Variants in DNAH10 observed in about 807,000 individuals in gnomAD.
DNAH10 encodes the protein dynein axonemal heavy chain 10, also known as axonemal beta dynein heavy chain 10.
In DNAH10, 348 loss-of-function variants were observed where a neutral mutation model predicts 506.6. The observed-to-expected ratio is 0.69, with a 90% CI of 0.63 to 0.75. DNAH10 has a LOEUF of 0.75. Among genes scored for constraint, DNAH10 ranks in the 30% least tolerant of loss-of-function variants. The probability of loss-of-function intolerance (pLI) is 0.00; values close to 1 mark genes in which losing one functional copy is unlikely to be tolerated. For synonymous variants in DNAH10, 2,059 were observed against 2,198.6 expected (o/e 0.94, Z 1.78); for missense variants, 5,179 against 5,787.1 (o/e 0.89, Z 3.41).
chr12:123,839,215 T>TAAAAAAAAA (rs575224560), intron 29 of DNAH10, among the ~76,000 whole-genome samples: 3 of 126,878 alleles, frequency 2.4e-5, no homozygotes, highest in Non-Finnish European at 3.4e-5. Context: ...TTTTATAAAC[T>TAAAAAAAAA]AAAAAAAAAA....
rs377295798 is a variant in DNAH10, at chr12:123,916,753, C to A, written c.11002+17C>A. The stretch of plus-strand genomic sequence containing the variant: ...ATTACACTGGTAAGAATGTGTAGAA[C>A]CTCCACTGCTAATTCAGATGGTTAT... On this transcript the variant is annotated intron_variant, in intron 63 of 78. Transcript: ENST00000673944. This position sits in a 1 kb window ranked among gnomAD's most constrained non-coding sequence, Gnocchi z 4.6. The A allele has an allele frequency of 5.3e-5, 85 of 1,590,732 alleles. No homozygotes were observed. The highest frequency in any genetic ancestry group is 7.2e-5 in the Non-Finnish European group (84 of 1,167,704).
At chr12:123,931,047 AAAAC>A in intron 73 of DNAH10, among the ~76,000 whole-genome samples, 1 of 152,210 alleles carries the variant, frequency 6.6e-6, no homozygotes, top group Admixed American at 6.5e-5. Flanking sequence ...TCAAAACAAA[AAAAC>A]AAAAAACAAA....
chr12:123,925,370 T>A lies in DNAH10; in HGVS notation c.11921+166T>A. The A allele has an allele frequency of 1.1e-6, 1 of 944,020 alleles. No homozygotes were observed. The highest frequency in any genetic ancestry group is 1.5e-6 in the Non-Finnish European group (1 of 650,514). 58.5% of individuals were successfully genotyped at this position (944,020 alleles called of 1,614,324 possible). A position where few individuals can be genotyped will look rare whatever the true frequency, so the allele number is the denominator to read the frequency against. Reference sequence around the variant, plus strand: ...GATATTCTAGAATTCTTCAATATTCTAGAACAGTGCTAGTCATAAGAAATT... The same window carrying A: ...GATATTCTAGAATTCTTCAATATTCAAGAACAGTGCTAGTCATAAGAAATT... On this transcript the variant is annotated intron_variant, in intron 68 of 78. Transcript: ENST00000673944. This position sits in a 1 kb window ranked among gnomAD's most constrained non-coding sequence, Gnocchi z 4.0.
intron 21 of DNAH10, among the ~76,000 whole-genome samples, chr12:123,815,535 C>T (rs966983448): frequency 2.6e-5 from 4 of 152,014 alleles, no homozygotes; most frequent in Non-Finnish European, 5.9e-5. Flanking sequence ...GCTAGGAATT[C>T]CTGTACGAGG....
In DNAH10 at chr12:123,910,653, T is replaced by G; in HGVS notation, c.10115T>G (p.Ile3372Ser). The change falls in exon 59 of 79, where the codon ATC becomes AGC. Residue 3372 changes from isoleucine to serine, a missense_variant. Coordinates refer to ENST00000673944, the MANE Select transcript of DNAH10 (RefSeq NM_001372106.1). ...GGCTACTGTGATGTTTTCAGAGAAA[T>G]CAAGCCCAAAAGAGAGAAGGTATTG... ...VMGYCDVFREIKPKREKVARL... is the reference protein window; with the variant it reads ...VMGYCDVFRESKPKREKVARL... 6.2e-7 allele frequency: 1 copy of G among 1,611,158 alleles called. No homozygotes were observed. Among genetic ancestry groups the G allele is most frequent in the South Asian group, 1.1e-5 (1 of 91,030 alleles).
intron 46 of DNAH10, among the ~76,000 whole-genome samples, chr12:123,874,644 G>A (rs1234743333): frequency 2.2e-5 from 3 of 134,658 alleles, no homozygotes; most frequent in African/African-American, 8.6e-5. Context: ...TCCATTCAAT[G>A]GATGGTCCAA....
At chr12:123,892,290 G>A (rs1306422037) in intron 52 of DNAH10, among the ~76,000 whole-genome samples, 1 of 152,222 alleles carries the variant, frequency 6.6e-6, no homozygotes, top group Admixed American at 6.5e-5. Context: ...AGGTGAAGGG[G>A]GAGCAGGCGC....
At chr12:123,816,529 A>G (rs1180829148) in intron 21 of DNAH10, among the ~76,000 whole-genome samples, 4 of 152,086 alleles carry the variant, frequency 2.6e-5, no homozygotes, top group Non-Finnish European at 5.9e-5. Flanking sequence ...GCACCCCCCA[A>G]CCCCATACCT....
At chr12:123,883,357 T>G (rs1952593241) in intron 51 of DNAH10, among the ~76,000 whole-genome samples, 1 of 152,228 alleles carries the variant, frequency 6.6e-6, no homozygotes, top group African/African-American at 2.4e-5. Flanking sequence ...CACACCATTC[T>G]TAGAATCATA....
chr12:123,925,181 T>C lies in DNAH10; in HGVS notation c.11898T>C (p.Tyr3966=), dbSNP rs1364603121. 3.7e-6 allele frequency: 6 copies of C among 1,613,642 alleles called. No homozygotes were observed. Among genetic ancestry groups the C allele is most frequent in the African/African-American group, 1.3e-5 (1 of 74,796 alleles). ...GGGTCTATCGGGCCGTGACTGACTA[T>C]GTGACTGTAACAATGGGAGAGAAGT... ...VDRVYRAVTD[Y]VTVTMGEKYV... Residue 3966 remains tyrosine (Y), a synonymous_variant, in exon 68 of 79, where the codon TAT becomes TAC. Transcript: ENST00000673944. This position sits in a 1 kb window ranked among gnomAD's most constrained non-coding sequence, Gnocchi z 4.0.
intron 50 of DNAH10, among the ~76,000 whole-genome samples, chr12:123,880,801 T>A (rs1387280274): frequency 2.4e-4 from 16 of 66,000 alleles, no homozygotes; most frequent in Admixed American, 9.0e-4. Context: ...CCCTCCCCCC[T>A]CCCCCCACCC....
chr12:123,928,318 G>A lies in DNAH10; in HGVS notation c.12106-69G>A. 2.7e-6 allele frequency: 4 copies of A among 1,506,542 alleles called. No individual in the cohort carries two copies. Among genetic ancestry groups the A allele is most frequent in the Non-Finnish European group, 3.6e-6 (4 of 1,119,066 alleles). The allele number at this position is 1,506,542 out of a possible 1,614,324, so 93.3% of individuals were successfully genotyped here. ...CATCGCCCTTCTGTGGGTGTGGAGTGGGTCTCTGGAGAGCACGGGGTTGGG... is the reference window on the plus strand; with the variant it reads ...CATCGCCCTTCTGTGGGTGTGGAGTAGGTCTCTGGAGAGCACGGGGTTGGG... On this transcript the variant is annotated intron_variant, in intron 69 of 78. Transcript: ENST00000673944. The surrounding 1 kb of genome is among the most constrained non-coding windows in gnomAD (Gnocchi z 4.9).
In DNAH10 at chr12:123,813,776, A is replaced by C. The variant is rs570616170; in HGVS notation, c.3644A>C (p.Lys1215Thr). 2 of 1,613,590 alleles carry C rather than the reference A, an allele frequency of 1.2e-6. No individual in the cohort carries two copies. Among genetic ancestry groups the C allele is most frequent in the East Asian group, 4.5e-5 (2 of 44,886 alleles). Residue 1215 changes from lysine (K) to threonine (T), a missense_variant, in exon 21 of 79, where the codon AAG becomes ACG. Physicochemically the swap from Lys to Thr is moderately conservative, Grantham distance 78. This residue lies in a region of DNAH10 where 4,844 missense variants were observed against 5,430.5 expected (regional missense o/e 0.89). Coordinates refer to ENST00000673944, the MANE Select transcript of DNAH10 (RefSeq NM_001372106.1). The part of the protein sequence containing the change: ...EMEHLAKNLR[K>T]IPNTLEDLKF... Reference sequence around the variant, plus strand: ...TAGCACCTGGCCAAAAACCTTAGGAAGATCCCCAATACCCTTGAAGATCTC... The same window carrying C: ...TAGCACCTGGCCAAAAACCTTAGGACGATCCCCAATACCCTTGAAGATCTC...
chr12:123,831,792 G>C (rs922159563), intron 26 of DNAH10, among the ~76,000 whole-genome samples: 14 of 151,908 alleles, frequency 9.2e-5, no homozygotes, highest in Non-Finnish European at 1.3e-4. Flanking sequence ...TGTAGTCCCA[G>C]CTACTCGGGA....
intron 45 of DNAH10, among the ~76,000 whole-genome samples, chr12:123,873,071 C>G (rs1334732573): frequency 2.0e-5 from 3 of 152,230 alleles, no homozygotes; most frequent in Non-Finnish European, 4.4e-5. Context: ...TGTTCATGCT[C>G]TCTTTGACCT....
chr12:123,808,803 G>C lies in DNAH10; in HGVS notation c.2994G>C (p.Leu998Phe), dbSNP rs1433981416. 1 of 1,614,016 alleles carries C rather than the reference G, an allele frequency of 6.2e-7. No homozygotes were observed. The highest frequency in any genetic ancestry group is 1.7e-5 in the Admixed American group (1 of 60,006). Residue 998 changes from leucine to phenylalanine, a missense_variant, in exon 19 of 79, where the codon TTG becomes TTC. Around this residue, in one of 3 missense-constraint regions of DNAH10, gnomAD observed 4,844 missense variants for 5,430.5 expected, o/e 0.89. Coordinates refer to ENST00000673944, the MANE Select transcript of DNAH10 (RefSeq NM_001372106.1). ...EVLTKLILKN[L>F]QSFNSLILGN... ...TCTCATCAACCCCTCTTAGGAACTT[G>C]CAGTCTTTTAATTCTTTGATCCTTG...
rs188449468 is a variant in DNAH10, at chr12:123,859,197, G to A, written c.6678G>A (p.Thr2226=). Reference sequence around the variant, plus strand: ...TCGAGACCATGTTAACCCGCCACACGACGATGGTGGTGGGGCCCACCAGAG... The same window carrying A: ...TCGAGACCATGTTAACCCGCCACACAACGATGGTGGTGGGGCCCACCAGAG... The part of the protein sequence containing the change: ...QMFETMLTRH[T]TMVVGPTRGG... The change falls in exon 38 of 79, where the codon ACG becomes ACA. Residue 2226 remains threonine, a synonymous_variant. Transcript: ENST00000673944. 528 of 1,612,276 alleles carry A rather than the reference G, an allele frequency of 3.3e-4. No individual in the cohort carries two copies. Among genetic ancestry groups the A allele is most frequent in the Middle Eastern group, 6.6e-4 (4 of 6,056 alleles).
chr12:123,930,360 G>A, intron 72 of DNAH10, 42 bp from the exon 73 acceptor site: 1 of 1,470,120 alleles, frequency 6.8e-7, no homozygotes. Context: ...GCACACAGTA[G>A]GTTCTGAGCT....
intron 2 of DNAH10, among the ~76,000 whole-genome samples, chr12:123,771,162 G>T (rs1593968044): frequency 1.3e-5 from 2 of 152,046 alleles, no homozygotes; most frequent in Non-Finnish European, 2.9e-5. Context: ...TAGAGACAGG[G>T]TGTTGCCATG....
Sources: allele counts gnomAD v4.1 joint callset (sites outside exome capture counted in the v4.1 genomes callset), GRCh38; gene constraint gnomAD v4.1.1; regional missense constraint gnomAD v4.1.1; non-coding constraint Gnocchi (gnomAD v3.1); transcripts MANE v1.5; gene names NCBI Gene and HGNC (gene_info 2026-07-23, HGNC 2026-07-21).